INVS: variants seen among roughly 807,000 people sequenced by gnomAD.
INVS encodes the protein inversin.
In INVS, 86 loss-of-function variants were observed where a neutral mutation model predicts 108.8. The observed-to-expected ratio is 0.79, with a 90% confidence interval of 0.66 to 0.95. The LOEUF (loss-of-function observed/expected upper bound fraction) is 0.95, where lower values mean the gene tolerates loss of function less well. Among genes scored for constraint, INVS ranks in the 40% least tolerant of loss-of-function variants. The pLI, the probability that INVS is intolerant of heterozygous loss-of-function variation, is 0.00. For synonymous variants in INVS, 455 were observed against 473.5 expected (o/e 0.96, Z 0.51); for missense variants, 1,169 against 1,297.4 (o/e 0.90, Z 1.52).
At chr9:100,156,896 T>C (rs1365545799) in intron 3 of INVS, among the ~76,000 whole-genome samples, 1 of 150,908 alleles carries the variant, frequency 6.6e-6, no homozygotes, top group African/African-American at 2.4e-5. Flanking sequence ...AAATGGACCT[T>C]ATAAACCACT....
chr9:100,182,577 G>T (rs1829924767), intron 3 of INVS, among the ~76,000 whole-genome samples: 1 of 152,118 alleles, frequency 6.6e-6, no homozygotes, highest in Non-Finnish European at 1.5e-5. Flanking sequence ...ACCACAACGA[G>T]ATACCACCAT....
At chr9:100,222,642 C>T (rs773828671) in intron 3 of INVS, among the ~76,000 whole-genome samples, 1 of 152,158 alleles carries the variant, frequency 6.6e-6, no homozygotes, top group Non-Finnish European at 1.5e-5. Flanking sequence ...CCAACATATA[C>T]TAGTTTCCTT....
chr9:100,234,783 A>G (rs1831626187), intron 5 of INVS, among the ~76,000 whole-genome samples: 1 of 152,148 alleles, frequency 6.6e-6, no homozygotes, highest in Admixed American at 6.6e-5. Context: ...TTTACTTCCA[A>G]TTACGTGGTC....
intron 5 of INVS, among the ~76,000 whole-genome samples, chr9:100,234,278 C>T (rs927054074): frequency 4.6e-5 from 7 of 152,080 alleles, no homozygotes; most frequent in African/African-American, 1.7e-4. Context: ...ATTAGTCTGG[C>T]TAGTGGTCTA....
intron 10 of INVS, among the ~76,000 whole-genome samples, chr9:100,253,456 G>A (rs1162744627): frequency 1.3e-5 from 2 of 151,194 alleles, no homozygotes; most frequent in African/African-American, 4.9e-5. Context: ...GGGTACATGT[G>A]CACAACGTGC....
At chr9:100,214,768 C>T (rs974927995) in intron 3 of INVS, among the ~76,000 whole-genome samples, 6 of 152,232 alleles carry the variant, frequency 3.9e-5, no homozygotes, top group South Asian at 2.1e-4. Flanking sequence ...ATAAAACAGA[C>T]GCAGGTCAGA....
intron 11 of INVS, among the ~76,000 whole-genome samples, chr9:100,266,455 C>G (rs568085642): frequency 3.3e-5 from 5 of 152,062 alleles, no homozygotes; most frequent in Non-Finnish European, 7.4e-5. Flanking sequence ...CTTTTCAGAC[C>G]TTATAGGGTA....
At chr9:100,269,576 A>C (rs1832889683) in intron 11 of INVS, among the ~76,000 whole-genome samples, 1 of 152,216 alleles carries the variant, frequency 6.6e-6, no homozygotes, top group South Asian at 2.1e-4. Flanking sequence ...CCTATAGTGA[A>C]AAACCTCTTC....
At chr9:100,128,565 A>C (rs1827955773) in intron 3 of INVS, among the ~76,000 whole-genome samples, 1 of 152,240 alleles carries the variant, frequency 6.6e-6, no homozygotes, top group African/African-American at 2.4e-5. Context: ...GTCAGGAATA[A>C]GATAGTAAAT....
At chr9:100,187,485 C>T (rs1253938433) in intron 3 of INVS, among the ~76,000 whole-genome samples, 1 of 143,042 alleles carries the variant, frequency 7.0e-6, no homozygotes, top group Non-Finnish European at 1.5e-5. Context: ...AGTCAATGAG[C>T]GTGGGATGTG....
At chr9:100,154,851 T>C (rs773661288) in intron 3 of INVS, among the ~76,000 whole-genome samples, 8 of 152,176 alleles carry the variant, frequency 5.3e-5, no homozygotes, top group Non-Finnish European at 1.0e-4. Flanking sequence ...GCTAGTCTTA[T>C]CTGAGTATAT....
At chr9:100,226,534 C>T (rs770559315) in intron 4 of INVS, among the ~76,000 whole-genome samples, 20 of 151,952 alleles carry the variant, frequency 1.3e-4, no homozygotes, top group South Asian at 2.1e-4. Context: ...TCCTGTCGGC[C>T]GGGCGCATTG....
chr9:100,136,856 A>G (rs1447253444), intron 3 of INVS, among the ~76,000 whole-genome samples: 1 of 152,156 alleles, frequency 6.6e-6, no homozygotes, highest in Non-Finnish European at 1.5e-5. Context: ...CCTGGCCAAC[A>G]TGGTGAAACC....
chr9:100,100,811 A>ATATATATAATATATATATATAAT (rs1554712500), intron 1 of INVS, among the ~76,000 whole-genome samples: 2 of 13,214 alleles, frequency 1.5e-4, no homozygotes, highest in Non-Finnish European at 2.3e-4. Context: ...ATGTATATAT[A>ATATATATAATATATATATATAAT]ATATATATAA....
intron 14 of INVS, among the ~76,000 whole-genome samples, chr9:100,296,287 A>C (rs1204668345): frequency 1.3e-5 from 2 of 152,128 alleles, no homozygotes; most frequent in Non-Finnish European, 2.9e-5. Context: ...GAAAACATCA[A>C]ATAAATCCTA....
intron 8 of INVS, 92 bp from the exon 9 acceptor site, chr9:100,252,191 A>G (rs1832257462): frequency 7.3e-7 from 1 of 1,368,026 alleles, no homozygotes; most frequent in Non-Finnish European, 1.0e-6. Context: ...ATTCAAAATG[A>G]TGGGGAAATC....
chr9:100,100,921 T>TAATATATGC (rs1244480060), intron 1 of INVS, among the ~76,000 whole-genome samples: 2 of 28,816 alleles, frequency 6.9e-5, no homozygotes, highest in African/African-American at 6.7e-4. Context: ...ATTATATGTA[T>TAATATATGC]ATATATAATA....
intron 13 of INVS, among the ~76,000 whole-genome samples, chr9:100,291,565 T>C (rs1013959893): frequency 6.6e-6 from 1 of 152,214 alleles, no homozygotes; most frequent in South Asian, 2.1e-4. Context: ...AGGACTCCGT[T>C]GTGCAGCCTG....
At chr9:100,175,232 T>C (rs1829671672) in intron 3 of INVS, 1 of 596,142 alleles carries the variant, frequency 1.7e-6, no homozygotes, top group South Asian at 1.7e-5. Context: ...AGCATCCAAC[T>C]GTAAAGACTC....
Sources: allele counts gnomAD v4.1 joint callset (sites outside exome capture counted in the v4.1 genomes callset), GRCh38; gene constraint gnomAD v4.1.1; transcripts MANE v1.5; gene names NCBI Gene and HGNC (gene_info 2026-07-23, HGNC 2026-07-21).